The following ARHGAP24 variants were observed in gnomAD, a reference collection of about 807,000 sequenced individuals.
ARHGAP24 encodes rho GTPase-activating protein 24.
ARHGAP24 carries 50 observed loss-of-function variants against 76.4 expected under a neutral mutation model. The observed-to-expected ratio is 0.65, with a 90% CI of 0.52 to 0.83. ARHGAP24 has a LOEUF of 0.83. ARHGAP24 is among the 40% of genes least tolerant of loss of function. ARHGAP24 has a pLI of 0.00. For missense variants in ARHGAP24, 930 were observed against 914.2 expected, an observed-to-expected ratio of 1.02 and a Z score of -0.22; for synonymous variants, 345 against 323.3, an observed-to-expected ratio of 1.07 and a Z score of -0.72.
intron 1 of ARHGAP24, among the ~76,000 whole-genome samples, chr4:85,492,115 CTTCTG>C (rs1322422094): frequency 1.3e-5 from 2 of 151,056 alleles, no homozygotes; most frequent in Non-Finnish European, 2.9e-5. Context: ...TTCCTTCCTT[CTTCTG>C]TTCTTTGCCT....
intron 2 of ARHGAP24, among the ~76,000 whole-genome samples, chr4:85,645,747 A>G (rs1223991459): frequency 6.6e-6 from 1 of 152,094 alleles, no homozygotes; most frequent in Admixed American, 6.6e-5. Flanking sequence ...TATAGTGTGC[A>G]TTTAGAGAAC....
At chr4:85,638,434 A>G (rs959502885) in intron 2 of ARHGAP24, among the ~76,000 whole-genome samples, 1 of 152,172 alleles carries the variant, frequency 6.6e-6, no homozygotes, top group South Asian at 2.1e-4. Flanking sequence ...GCATTCTTCC[A>G]CTGACATGTG....
intron 8 of ARHGAP24, among the ~76,000 whole-genome samples, chr4:85,988,327 T>A (rs1166109326): frequency 6.6e-6 from 1 of 151,682 alleles, no homozygotes; most frequent in African/African-American, 2.4e-5. Flanking sequence ...GATAACCTGT[T>A]GTATAAAGCA....
chr4:85,962,033 A>G (rs1034483772), intron 5 of ARHGAP24, among the ~76,000 whole-genome samples: 2 of 152,070 alleles, frequency 1.3e-5, no homozygotes, highest in Non-Finnish European at 2.9e-5. Flanking sequence ...TACAGCCAAA[A>G]CTTCTCTATT....
chr4:85,682,494 A>G (rs1162580699), intron 2 of ARHGAP24, among the ~76,000 whole-genome samples: 2 of 152,194 alleles, frequency 1.3e-5, no homozygotes, highest in East Asian at 1.9e-4. Context: ...TTCCAGCTCT[A>G]TGGCCTTCTC....
intron 1 of ARHGAP24, among the ~76,000 whole-genome samples, chr4:85,487,878 AAT>A (rs1271561719): frequency 4.8e-5 from 6 of 124,932 alleles, no homozygotes; most frequent in Non-Finnish European, 9.5e-5. Context: ...ATAAATATAT[AAT>A]ATATATAATA....
chr4:85,913,660 A>T (rs530977094), intron 3 of ARHGAP24, among the ~76,000 whole-genome samples: 5 of 152,154 alleles, frequency 3.3e-5, no homozygotes, highest in Admixed American at 6.6e-5. Flanking sequence ...AGTGACTGGC[A>T]TAACAACAGG....
At chr4:85,706,262 A>C (rs1452775130) in intron 2 of ARHGAP24, among the ~76,000 whole-genome samples, 1 of 152,208 alleles carries the variant, frequency 6.6e-6, no homozygotes, top group Non-Finnish European at 1.5e-5. Flanking sequence ...CATCCATTGA[A>C]TCACTGGATA....
At chr4:85,818,287 C>T (rs1729327499) in intron 3 of ARHGAP24, among the ~76,000 whole-genome samples, 1 of 152,182 alleles carries the variant, frequency 6.6e-6, no homozygotes, top group South Asian at 2.1e-4. Flanking sequence ...CTATCTGGGA[C>T]CCCTGCCCAC....
intron 2 of ARHGAP24, among the ~76,000 whole-genome samples, chr4:85,628,293 T>C (rs1320295078): frequency 6.6e-6 from 1 of 152,230 alleles, no homozygotes; most frequent in Non-Finnish European, 1.5e-5. Context: ...CAGAATTTTC[T>C]GAAATTTCTC....
chr4:85,785,018 T>C (rs1390029270), intron 3 of ARHGAP24, among the ~76,000 whole-genome samples: 1 of 152,054 alleles, frequency 6.6e-6, no homozygotes, highest in Non-Finnish European at 1.5e-5. Flanking sequence ...TAGATAGATA[T>C]AATTATACCC....
intron 1 of ARHGAP24, among the ~76,000 whole-genome samples, chr4:85,495,505 C>T (rs1723540458): frequency 7.9e-6 from 1 of 125,918 alleles, no homozygotes; most frequent in East Asian, 3.3e-4. Flanking sequence ...CGCCCGCCAC[C>T]ACGCCCAGCT....
At chr4:85,657,375 C>T (rs1471607) in intron 2 of ARHGAP24, among the ~76,000 whole-genome samples, 5 of 151,884 alleles carry the variant, frequency 3.3e-5, no homozygotes, top group African/African-American at 4.8e-5. Context: ...AAAGTTTGAA[C>T]CTTTAGTTTC....
At chr4:85,669,436 G>A (rs1277485352) in intron 2 of ARHGAP24, among the ~76,000 whole-genome samples, 1 of 151,852 alleles carries the variant, frequency 6.6e-6, no homozygotes, top group Non-Finnish European at 1.5e-5. Flanking sequence ...ATCACATAAG[G>A]AAGAGGAAGT....
intron 3 of ARHGAP24, among the ~76,000 whole-genome samples, chr4:85,722,694 A>G (rs141601376): frequency 1.3e-5 from 2 of 152,250 alleles, no homozygotes; most frequent in East Asian, 3.9e-4. Context: ...TCTTTGATCA[A>G]TTCTTCAACT....
At chr4:85,592,615 T>G (rs1214849194) in intron 2 of ARHGAP24, among the ~76,000 whole-genome samples, 1 of 152,154 alleles carries the variant, frequency 6.6e-6, no homozygotes, top group Non-Finnish European at 1.5e-5. Context: ...ACATTAACCA[T>G]CTCCACTTCC....
intron 3 of ARHGAP24, among the ~76,000 whole-genome samples, chr4:85,840,849 T>C (rs768257447): frequency 6.6e-6 from 1 of 152,216 alleles, no homozygotes; most frequent in African/African-American, 2.4e-5. Context: ...TAGAGCTATA[T>C]CAATTATGCA....
intron 3 of ARHGAP24, among the ~76,000 whole-genome samples, chr4:85,854,776 G>C (rs1731458478): frequency 6.6e-6 from 1 of 152,106 alleles, no homozygotes; most frequent in South Asian, 2.1e-4. Flanking sequence ...ACTTGAAATG[G>C]TATTTTCAGG....
At chr4:85,976,095 A>C (rs1739304372) in intron 7 of ARHGAP24, among the ~76,000 whole-genome samples, 1 of 152,236 alleles carries the variant, frequency 6.6e-6, no homozygotes, top group Non-Finnish European at 1.5e-5. Flanking sequence ...CTCCTTAAGT[A>C]AAAGGGATGA....
Sources: allele counts gnomAD v4.1 joint callset (sites outside exome capture counted in the v4.1 genomes callset), GRCh38; gene constraint gnomAD v4.1.1; transcripts MANE v1.5; gene names NCBI Gene and HGNC (gene_info 2026-07-23, HGNC 2026-07-21).